Variants in DENND3 observed in about 807,000 individuals in gnomAD.
The protein encoded by DENND3 is DENN domain containing 3.
A neutral mutation model predicts 135.1 loss-of-function variants in DENND3; 88 were observed. That is an observed-to-expected ratio of 0.65 (90% confidence interval 0.55 to 0.78). DENND3 has a LOEUF of 0.78. Ranked by LOEUF, DENND3 falls within the 30% of genes least tolerant of loss-of-function variation. The probability of loss-of-function intolerance (pLI) is 0.00; values close to 1 mark genes in which losing one functional copy is unlikely to be tolerated. For synonymous variants in DENND3, 693 were observed against 712.3 expected (o/e 0.97, Z 0.43); for missense variants, 1,392 against 1,688.4 (o/e 0.82, Z 3.08).
chr8:141,190,106 T>TCATGTTTG (rs56114972), intron 19 of DENND3, among the ~76,000 whole-genome samples, 178 bp from the exon 20 acceptor site: 82,464 of 151,050 alleles, frequency 0.55, 22,779 homozygotes, highest in East Asian at 0.8. Context: ...CATGTTATTA[T>TCATGTTTG]CATGTTTGCA....
intron 22 of DENND3, 122 bp downstream of exon 22, chr8:141,192,785 T>A (rs7014062): frequency 7.8e-5 from 124 of 1,593,238 alleles, no homozygotes; most frequent in Middle Eastern, 1.6e-4. Context: ...CCTCTCAGGG[T>A]TCCCCTCCTA....
Position 141,128,639 on chromosome 8 carries a change from C to A in DENND3, c.-69C>A. ...GCCCCCAGGCGGCGCGGCTGGTCCC[C>A]AGGGGTCTGCGGGCGACTGCGCGGC... is the stretch of plus-strand genomic sequence containing the variant. On this transcript the variant is annotated 5_prime_UTR_variant, in exon 1 of 23. Coordinates refer to ENST00000519811, the MANE Select transcript of DENND3 (RefSeq NM_001352890.3). The surrounding 1 kb of genome is among the most constrained non-coding windows in gnomAD (Gnocchi z 4.5). 9.4e-7 allele frequency: 1 copy of A among 1,058,302 alleles called. No individual in the cohort carries two copies. Among genetic ancestry groups the A allele is most frequent in the Non-Finnish European group, 1.2e-6 (1 of 827,890 alleles). The allele number at this position is 1,058,302 out of a possible 1,614,324, so 65.6% of individuals were successfully genotyped here.
chr8:141,192,248 G>A (rs1824849701), intron 20 of DENND3, 83 bp from the exon 21 acceptor site: 1 of 1,559,128 alleles, frequency 6.4e-7, no homozygotes, highest in South Asian at 1.2e-5. Context: ...ACGCTGGAAA[G>A]AGCAGTGAGG....
Position 141,187,521 on chromosome 8 carries a change from C to T in DENND3, c.3085-1465C>T, listed in dbSNP as rs866960167. Among the ~76,000 whole-genome samples the T allele has an allele frequency of 3.9e-5, 6 of 152,116 alleles. No homozygotes were observed. The South Asian group carries it at 1.0e-3, about 26-fold the overall frequency. On this transcript the variant is annotated intron_variant, in intron 18 of 22. Coordinates refer to ENST00000519811, the MANE Select transcript of DENND3 (RefSeq NM_001352890.3). ...GATTACAGGTGTGAGCCACTGCGCC[C>T]GGCCATGGTATCAGTTTTGATGGCT...
chr8:141,180,981 C>T lies in DENND3; in HGVS notation c.2944+127C>T, dbSNP rs1435780326. Reference sequence around the variant, plus strand: ...CACGGGATAAGTGGGGACAAGGTGCCTGTTGCTTTCTGAGGTGAAGTGCTG... The same window carrying T: ...CACGGGATAAGTGGGGACAAGGTGCTTGTTGCTTTCTGAGGTGAAGTGCTG... On this transcript the variant is annotated intron_variant, in intron 17 of 22. Transcript: ENST00000519811. 6 of 711,378 alleles carry T rather than the reference C, an allele frequency of 8.4e-6. No individual in the cohort carries two copies. The African/African-American group carries it at 9.0e-5, about 11-fold the overall frequency. The allele number at this position is 711,378 out of a possible 1,614,324, so 44.1% of individuals were successfully genotyped here.
At chr8:141,172,318 G>A (rs3739230) in intron 13 of DENND3, among the ~76,000 whole-genome samples, 23,827 of 152,024 alleles carry the variant, frequency 0.16, 2,045 homozygotes, top group Admixed American at 0.21. Context: ...TGCTGGTGGC[G>A]TAGTGTCCAC....
At chr8:141,160,484 T>C in intron 8 of DENND3, 148 bp from the exon 9 acceptor site, 1 of 1,017,806 alleles carries the variant, frequency 9.8e-7, no homozygotes, top group African/African-American at 1.6e-5. Context: ...CCAGCCCCAG[T>C]GATGTACTTT....
chr8:141,169,312 G>A (rs1435146005), intron 13 of DENND3, among the ~76,000 whole-genome samples: 3 of 152,252 alleles, frequency 2.0e-5, no homozygotes, highest in African/African-American at 4.8e-5. Flanking sequence ...GGGGCCCTTA[G>A]GCAATGTGCC....
chr8:141,182,387 G>A lies in DENND3; in HGVS notation c.2944+1533G>A, dbSNP rs1182701444. The A allele has an allele frequency of 1.2e-5, 12 of 985,450 alleles. No homozygotes were observed. Among genetic ancestry groups the A allele is most frequent in the Non-Finnish European group, 1.3e-5 (11 of 829,940 alleles). The allele number at this position is 985,450 out of a possible 1,614,324, so 61.0% of individuals were successfully genotyped here. ...CAGGCAGCGTCATCAGGGCCGCCCC[G>A]CGTGAGCCCTACCTGATGTGTCTAA... On this transcript the variant is annotated intron_variant, in intron 17 of 22. Transcript: ENST00000519811. This position sits in a 1 kb window ranked among gnomAD's most constrained non-coding sequence, Gnocchi z 5.9.
intron 13 of DENND3, among the ~76,000 whole-genome samples, chr8:141,171,253 A>G (rs371832223): frequency 6.8e-4 from 103 of 152,386 alleles, no homozygotes; most frequent in African/African-American, 2.2e-3. Context: ...ATCTTTGGAC[A>G]AATTTATGTG....
chr8:141,194,200 G>A lies in DENND3; in HGVS notation c.3804G>A (p.Glu1268=). 1.2e-6 allele frequency: 2 copies of A among 1,613,322 alleles called. No homozygotes were observed. Among genetic ancestry groups the A allele is most frequent in the Non-Finnish European group, 1.7e-6 (2 of 1,179,938 alleles). Reference sequence around the variant, plus strand: ...ACGTGCTGAGTGGGTCGGGCAGGGAGGAGGGGAAAGTCGCCATTTGGAAAG... The same window carrying A: ...ACGTGCTGAGTGGGTCGGGCAGGGAAGAGGGGAAAGTCGCCATTTGGAAAG... ...DRYVLSGSGR[E]EGKVAIWKGE Residue 1268 remains glutamate (E), a synonymous_variant, in exon 23 of 23, where the codon GAG becomes GAA. Coordinates refer to ENST00000519811, the MANE Select transcript of DENND3 (RefSeq NM_001352890.3).
At chr8:141,179,135 G>A (rs1198550879) in intron 16 of DENND3, among the ~76,000 whole-genome samples, 1 of 152,210 alleles carries the variant, frequency 6.6e-6, no homozygotes, top group Non-Finnish European at 1.5e-5. Context: ...CCAACTGCAG[G>A]ACCTCTGCCA....
In DENND3 at chr8:141,175,190, T is replaced by C. The variant is rs758901334; in HGVS notation, c.2276-10T>C. ...GTAAGATACCTCTCTTTTCTTCTTATCAAACTAAGGACAGGAGAAACAAAT... is the reference window on the plus strand; with the variant it reads ...GTAAGATACCTCTCTTTTCTTCTTACCAAACTAAGGACAGGAGAAACAAAT... On this transcript the variant is annotated splice_polypyrimidine_tract_variant and intron_variant, in intron 13 of 22. Coordinates refer to ENST00000519811, the MANE Select transcript of DENND3 (RefSeq NM_001352890.3). This position sits in a 1 kb window ranked among gnomAD's most constrained non-coding sequence, Gnocchi z 5.4. 33 of 1,608,284 alleles carry C rather than the reference T, an allele frequency of 2.1e-5. No individual in the cohort carries two copies. The highest frequency in any genetic ancestry group is 2.7e-5 in the Non-Finnish European group (32 of 1,176,740).
intron 8 of DENND3, among the ~76,000 whole-genome samples, chr8:141,159,516 C>T (rs1168146826): frequency 6.6e-6 from 1 of 152,186 alleles, no homozygotes; most frequent in East Asian, 1.9e-4. Context: ...CTGTGATGTG[C>T]GTTTCTGCCT....
In DENND3 at chr8:141,166,066, G is replaced by A; in HGVS notation, c.1554-124G>A. The A allele has an allele frequency of 3.1e-6, 3 of 981,468 alleles. No individual in the cohort carries two copies. The highest frequency in any genetic ancestry group is 4.7e-6 in the Non-Finnish European group (3 of 637,828). The allele number at this position is 981,468 out of a possible 1,614,324, so 60.8% of individuals were successfully genotyped here. A position where few individuals can be genotyped will look rare whatever the true frequency, so the allele number is the denominator to read the frequency against. ...TTGGGCAACATGTTCTTACCAGTCT[G>A]TTTTCCACTGGTGTCCAAGAGTGTC... On this transcript the variant is annotated intron_variant, in intron 11 of 22. Transcript: ENST00000519811. The surrounding 1 kb of genome is among the most constrained non-coding windows in gnomAD (Gnocchi z 4.3).
intron 8 of DENND3, among the ~76,000 whole-genome samples, chr8:141,159,033 G>T (rs974382198): frequency 6.6e-6 from 1 of 152,258 alleles, no homozygotes; most frequent in African/African-American, 2.4e-5. Context: ...TGAAAGGCCA[G>T]TTTGGTGCTG....
chr8:141,183,906 C>T (rs1301748639), intron 17 of DENND3, among the ~76,000 whole-genome samples: 1 of 152,164 alleles, frequency 6.6e-6, no homozygotes, highest in Non-Finnish European at 1.5e-5. Context: ...GCAGAGGGAG[C>T]AGCGTGCTTT....
At chr8:141,143,334 C>T (rs994560661) in intron 4 of DENND3, among the ~76,000 whole-genome samples, 8 of 152,098 alleles carry the variant, frequency 5.3e-5, no homozygotes, top group Admixed American at 1.3e-4. Flanking sequence ...AGGTTTGTTA[C>T]GTATGTATAC....
intron 3 of DENND3, among the ~76,000 whole-genome samples, chr8:141,140,195 C>T (rs563227132): frequency 1.3e-5 from 2 of 152,204 alleles, no homozygotes; most frequent in Non-Finnish European, 2.9e-5. Context: ...AGCTACATGT[C>T]CAGCCCCCAA....
Sources: gnomAD v4.1 joint callset for allele counts (sites outside exome capture counted in the v4.1 genomes callset) on GRCh38, gnomAD v4.1.1 for gene constraint, Gnocchi (gnomAD v3.1) non-coding constraint, MANE v1.5 for transcripts, NCBI Gene and HGNC (gene_info 2026-07-23, HGNC 2026-07-21) for gene names.